Variants in ZNF516 observed in about 807,000 individuals in gnomAD.
ZNF516 encodes the protein zinc finger protein 516.
In ZNF516, 19 loss-of-function variants were observed where a neutral mutation model predicts 79.7. The observed-to-expected ratio is 0.24, with a 90% CI of 0.17 to 0.35. The LOEUF (loss-of-function observed/expected upper bound fraction) is 0.35, where lower values mean the gene tolerates loss of function less well. ZNF516 is among the 10% of genes least tolerant of loss of function. ZNF516 has a pLI of 1.00. For synonymous variants in ZNF516, 877 were observed against 739.5 expected (o/e 1.19, Z -3.02); for missense variants, 1,678 against 1,679.5 (o/e 1.00, Z 0.02).
At position 76,360,646 on chromosome 18, in the gene ZNF516, A is replaced by ATATATATATATAT. The variant is rs1555693935; in HGVS notation, c.*1851_*1852insATATATATATATA. The ATATATATATATAT allele has an allele frequency of 1.1e-4, 8 of 72,462 alleles. No homozygotes were observed. The highest frequency in any genetic ancestry group is 1.6e-4 in the Non-Finnish European group (6 of 36,928). The allele number at this position is 72,462 out of a possible 1,614,324, so 4.5% of individuals were successfully genotyped here. On this transcript the variant is annotated 3_prime_UTR_variant, in exon 7 of 7. Transcript: ENST00000443185. ...AAAAAAATAAGTAAAAAAAAAAAAA[A>ATATATATATATAT]ATATATATATATATATATATATATA... is the stretch of plus-strand genomic sequence containing the variant.
chr18:76,421,533 T>TCCC (rs1365729724), intron 3 of ZNF516, among the ~76,000 whole-genome samples: 2 of 152,116 alleles, frequency 1.3e-5, no homozygotes, highest in African/African-American at 4.8e-5. Flanking sequence ...ACCGGGTCCC[T>TCCC]CCCCCTGCTC....
rs536562836 is a variant in ZNF516, at chr18:76,450,189, G to C, written c.-157-6978C>G. 9.8e-5 allele frequency among the ~76,000 whole-genome samples: 14 copies of C among 142,768 alleles called. No individual in the cohort carries two copies. The South Asian group carries it at 3.1e-3, about 32-fold the overall frequency. The allele number at this position is 142,768 out of a possible 152,430, so 93.7% of individuals were successfully genotyped here. ...TTAACAACTCATGAAACTAAAGGGG[G>C]GGGGGTGTTTATTTCTAACTCTTTC... On this transcript the variant is annotated intron_variant, in intron 2 of 6. Coordinates refer to ENST00000443185, the MANE Select transcript of ZNF516 (RefSeq NM_014643.4).
At chr18:76,471,320 A>G (rs1033982926) in intron 1 of ZNF516, among the ~76,000 whole-genome samples, 2 of 151,910 alleles carry the variant, frequency 1.3e-5, no homozygotes, top group African/African-American at 4.8e-5. Flanking sequence ...GAAAAAGGTG[A>G]CAGAATGGAT....
chr18:76,488,450 A>T (rs1914960243), intron 1 of ZNF516, among the ~76,000 whole-genome samples: 1 of 139,434 alleles, frequency 7.2e-6, no homozygotes, highest in African/African-American at 2.6e-5. Flanking sequence ...CAGTGAACAA[A>T]CCCACGGGTA....
intron 1 of ZNF516, among the ~76,000 whole-genome samples, chr18:76,489,721 A>G (rs1469498277): frequency 1.3e-5 from 2 of 152,212 alleles, no homozygotes; most frequent in African/African-American, 4.8e-5. Flanking sequence ...AACTATTCTC[A>G]GGGTGTCAAC....
chr18:76,460,510 C>A (rs1211062369), intron 2 of ZNF516, among the ~76,000 whole-genome samples: 9 of 152,156 alleles, frequency 5.9e-5, no homozygotes. Flanking sequence ...CACCTATGAA[C>A]CTCTAAGACC....
At chr18:76,367,207 C>T (rs1217213022) in intron 6 of ZNF516, among the ~76,000 whole-genome samples, 1 of 152,202 alleles carries the variant, frequency 6.6e-6, no homozygotes, top group South Asian at 2.1e-4. Context: ...TCCTGTCCCT[C>T]ACTTTCCAAG....
At chr18:76,494,050 T>A (rs1568338020) in intron 1 of ZNF516, 1 of 152,208 alleles carries the variant, frequency 6.6e-6, no homozygotes, top group Non-Finnish European at 1.5e-5. Flanking sequence ...TGATAATAGA[T>A]GAGGCTGACT....
At chr18:76,408,441 T>C (rs188503109) in intron 3 of ZNF516, among the ~76,000 whole-genome samples, 32 of 152,050 alleles carry the variant, frequency 2.1e-4, no homozygotes, top group African/African-American at 4.8e-4. Flanking sequence ...CAAGGGAAAA[T>C]AGCAAAAATT....
At chr18:76,427,312 G>A (rs1166417875) in intron 3 of ZNF516, among the ~76,000 whole-genome samples, 1 of 152,210 alleles carries the variant, frequency 6.6e-6, no homozygotes, top group African/African-American at 2.4e-5. Context: ...GGGCTATGCT[G>A]GAGGTTTATA....
intron 3 of ZNF516, among the ~76,000 whole-genome samples, chr18:76,437,755 GTGT>G (rs1201926563): frequency 5.3e-5 from 8 of 152,146 alleles, no homozygotes; most frequent in African/African-American, 1.7e-4. Flanking sequence ...AAATTCTGCT[GTGT>G]TGTTTAGGGA....
chr18:76,396,487 AAC>A (rs1289294033), intron 3 of ZNF516, among the ~76,000 whole-genome samples: 1 of 152,204 alleles, frequency 6.6e-6, no homozygotes, highest in Non-Finnish European at 1.5e-5. Flanking sequence ...TAACTTTTAT[AAC>A]AGACATGACT....
chr18:76,496,176 G>A, upstream of ZNF516: 2 of 1,043,518 alleles, frequency 1.9e-6, no homozygotes, highest in Non-Finnish European at 2.5e-6. Context: ...GGGCGGGGGA[G>A]GGGCGGGTCG....
chr18:76,480,356 C>T (rs13381268), intron 1 of ZNF516, among the ~76,000 whole-genome samples: 11,834 of 152,094 alleles, frequency 0.078, 501 homozygotes, highest in Non-Finnish European at 0.095. Context: ...CATGGTACTT[C>T]TCTTGGGCAA....
In ZNF516 at chr18:76,459,188, C is replaced by T. The variant is rs1311532841; in HGVS notation, c.-158+3840G>A. ...GCTGCAGCAGTAACGGGGCGCCGGGCCCACCTGCTGCCCCTCTCCTGTGCA... is the reference window on the plus strand; with the variant it reads ...GCTGCAGCAGTAACGGGGCGCCGGGTCCACCTGCTGCCCCTCTCCTGTGCA... On this transcript the variant is annotated intron_variant, in intron 2 of 6. Coordinates refer to ENST00000443185, the MANE Select transcript of ZNF516 (RefSeq NM_014643.4). This position sits in a 1 kb window ranked among gnomAD's most constrained non-coding sequence, Gnocchi z 5.0. Among the ~76,000 whole-genome samples, 1 of 152,238 alleles carries T rather than the reference C, an allele frequency of 6.6e-6. No individual in the cohort carries two copies. Among genetic ancestry groups the T allele is most frequent in the Non-Finnish European group, 1.5e-5 (1 of 68,040 alleles).
intron 3 of ZNF516, among the ~76,000 whole-genome samples, chr18:76,402,811 C>T (rs561098254): frequency 6.6e-6 from 1 of 152,180 alleles, no homozygotes; most frequent in South Asian, 2.1e-4. Flanking sequence ...CGTGTTCCCA[C>T]ACTGGCAGCT....
chr18:76,423,840 CA>C (rs2075547451), intron 3 of ZNF516, among the ~76,000 whole-genome samples: 1 of 147,566 alleles, frequency 6.8e-6, no homozygotes, highest in Non-Finnish European at 1.5e-5. Context: ...GAAACACATG[CA>C]GGTGAAAAGG....
At chr18:76,472,457 G>A (rs976585062) in intron 1 of ZNF516, among the ~76,000 whole-genome samples, 1 of 152,250 alleles carries the variant, frequency 6.6e-6, no homozygotes, top group Non-Finnish European at 1.5e-5. Flanking sequence ...ATTCACATAT[G>A]CATGTATGTG....
intron 3 of ZNF516, among the ~76,000 whole-genome samples, chr18:76,402,737 T>C (rs2075247965): frequency 6.6e-6 from 1 of 152,232 alleles, no homozygotes; most frequent in Non-Finnish European, 1.5e-5. Flanking sequence ...TGATTTCTCC[T>C]CTCTGAACTA....
Sources: gnomAD v4.1 joint callset for allele counts (sites outside exome capture counted in the v4.1 genomes callset) on GRCh38, gnomAD v4.1.1 for gene constraint, Gnocchi (gnomAD v3.1) non-coding constraint, MANE v1.5 for transcripts, NCBI Gene and HGNC (gene_info 2026-07-23, HGNC 2026-07-21) for gene names.